The following SORCS2 variants were observed in gnomAD, a reference collection of about 807,000 sequenced individuals.
The protein encoded by SORCS2 is VPS10 domain-containing receptor SorCS2.
A neutral mutation model predicts 141.6 loss-of-function variants in SORCS2; 100 were observed. That is an observed-to-expected ratio of 0.71 (90% CI 0.60 to 0.83). SORCS2 has a LOEUF of 0.83. Ranked by LOEUF, SORCS2 falls within the 40% of genes least tolerant of loss-of-function variation. The pLI is 0.00. For synonymous variants in SORCS2, 789 were observed against 676.9 expected (o/e 1.17, Z -2.57); for missense variants, 1,646 against 1,560.2 (o/e 1.05, Z -0.93).
chr4:7,442,719 G>A (rs1727755588), intron 2 of SORCS2, among the ~76,000 whole-genome samples: 1 of 147,182 alleles, frequency 6.8e-6, no homozygotes, highest in Non-Finnish European at 1.5e-5. Flanking sequence ...AAAGCGGAGA[G>A]CAGCACCCCC....
At chr4:7,641,296 G>A (rs1720713349) in intron 4 of SORCS2, among the ~76,000 whole-genome samples, 1 of 152,172 alleles carries the variant, frequency 6.6e-6, no homozygotes, top group Non-Finnish European at 1.5e-5. Context: ...CAGTCATGGT[G>A]GAAGGTGAAG....
chr4:7,679,107 G>A (rs367555347), intron 9 of SORCS2, among the ~76,000 whole-genome samples: 1 of 145,096 alleles, frequency 6.9e-6, no homozygotes, highest in African/African-American at 2.6e-5. Flanking sequence ...CGTGGTTGTT[G>A]TGCACCCAGC....
intron 2 of SORCS2, among the ~76,000 whole-genome samples, chr4:7,467,395 G>A (rs183017812): frequency 6.6e-6 from 1 of 152,304 alleles, no homozygotes; most frequent in East Asian, 1.9e-4. Flanking sequence ...GCCTTCGGTT[G>A]GCCTCTGGGT....
At chr4:7,569,115 A>G (rs1715208927) in intron 3 of SORCS2, among the ~76,000 whole-genome samples, 1 of 152,160 alleles carries the variant, frequency 6.6e-6, no homozygotes, top group Admixed American at 6.5e-5. Context: ...GTTTTCCAGG[A>G]CTGTGCCATT....
At chr4:7,577,334 G>A (rs73089040) in intron 3 of SORCS2, among the ~76,000 whole-genome samples, 10 of 152,210 alleles carry the variant, frequency 6.6e-5, no homozygotes, top group Non-Finnish European at 1.3e-4. Flanking sequence ...GGGCAGACAG[G>A]TGAAGTCAGG....
intron 1 of SORCS2, among the ~76,000 whole-genome samples, chr4:7,208,444 T>G (rs1727871439): frequency 6.6e-6 from 1 of 152,164 alleles, no homozygotes; most frequent in Non-Finnish European, 1.5e-5. Flanking sequence ...TGCCCTTTCT[T>G]TCTCTGCAGA....
At chr4:7,380,476 CA>C (rs548032878) in intron 1 of SORCS2, among the ~76,000 whole-genome samples, 77 of 27,700 alleles carry the variant, frequency 2.8e-3, no homozygotes, top group African/African-American at 0.021. Flanking sequence ...ATTCTGAATT[CA>C]AATTCAAGAG....
At chr4:7,702,195 C>T (rs1377822071) in intron 12 of SORCS2, among the ~76,000 whole-genome samples, 1 of 152,154 alleles carries the variant, frequency 6.6e-6, no homozygotes, top group Non-Finnish European at 1.5e-5. Context: ...CCTGGGCTTT[C>T]CTGTGTCCTG....
At chr4:7,498,981 G>A (rs1325853254) in intron 2 of SORCS2, among the ~76,000 whole-genome samples, 2 of 152,204 alleles carry the variant, frequency 1.3e-5, no homozygotes, top group Admixed American at 1.3e-4. Context: ...GGAGCCGGCT[G>A]AGGCTGGGGA....
chr4:7,283,917 C>T (rs571649179), intron 1 of SORCS2, among the ~76,000 whole-genome samples: 1 of 152,212 alleles, frequency 6.6e-6, no homozygotes, highest in African/African-American at 2.4e-5. Flanking sequence ...GCGAGGGATC[C>T]TTTGTGTTTT....
At chr4:7,204,574 G>A (rs769498791) in intron 1 of SORCS2, among the ~76,000 whole-genome samples, 1 of 152,142 alleles carries the variant, frequency 6.6e-6, no homozygotes, top group Non-Finnish European at 1.5e-5. Flanking sequence ...TCACTCTTGT[G>A]GCTGCCTTGT....
At chr4:7,594,728 G>A (rs73216616) in intron 3 of SORCS2, among the ~76,000 whole-genome samples, 1,602 of 152,216 alleles carry the variant, frequency 0.011, 11 homozygotes, top group Middle Eastern at 0.024. Flanking sequence ...CTATGAGTGG[G>A]TGTCTTGGAG....
rs1711662442 is a variant in SORCS2 at position 7,531,648 on chromosome 4, TGGCCGC to T, written c.648+20_648+25del. 1 of 1,605,670 alleles carries T rather than the reference TGGCCGC, an allele frequency of 6.2e-7. No homozygotes were observed. The highest frequency in any genetic ancestry group is 1.7e-5 in the Admixed American group (1 of 59,782). On this transcript the variant is annotated intron_variant, in intron 3 of 26. Transcript: ENST00000507866. The stretch of plus-strand genomic sequence containing the variant: ...GAGGAAGGTAGGTGCTGGCTGGGGG[TGGCCGC>T]CACTCTGGCTCTCGCCTTGTGCCGC...
intron 2 of SORCS2, among the ~76,000 whole-genome samples, chr4:7,474,883 C>G (rs1033336496): frequency 2.0e-5 from 3 of 152,170 alleles, no homozygotes; most frequent in Non-Finnish European, 1.5e-5. Context: ...GGGGAGTTCC[C>G]TTCTGGCTGT....
intron 2 of SORCS2, among the ~76,000 whole-genome samples, chr4:7,453,839 T>C (rs1728668094): frequency 7.8e-6 from 1 of 127,510 alleles, no homozygotes; most frequent in African/African-American, 3.1e-5. Flanking sequence ...AGGCACTGTG[T>C]TGGGGTCAGG....
At chr4:7,711,448 C>T (rs1041859206) in intron 14 of SORCS2, among the ~76,000 whole-genome samples, 1 of 152,206 alleles carries the variant, frequency 6.6e-6, no homozygotes, top group African/African-American at 2.4e-5. Context: ...ACTGGAGCAG[C>T]GTGCATCACC....
intron 1 of SORCS2, among the ~76,000 whole-genome samples, chr4:7,263,720 GCTC>G (rs1714522627): frequency 6.6e-6 from 1 of 152,162 alleles, no homozygotes; most frequent in Admixed American, 6.5e-5. Flanking sequence ...TGCTTGGCAG[GCTC>G]CTCCTCCATG....
At chr4:7,395,285 G>A (rs544129503) in intron 1 of SORCS2, among the ~76,000 whole-genome samples, 7 of 152,320 alleles carry the variant, frequency 4.6e-5, no homozygotes, top group Admixed American at 6.5e-5. Context: ...CTGCTTCCAC[G>A]GAGGAGCCCG....
At chr4:7,221,619 C>T (rs1229696442) in intron 1 of SORCS2, among the ~76,000 whole-genome samples, 2 of 152,210 alleles carry the variant, frequency 1.3e-5, no homozygotes, top group Non-Finnish European at 2.9e-5. Flanking sequence ...ATGCTTTGGG[C>T]CCGTGAGGGC....
Sources: allele counts gnomAD v4.1 joint callset (sites outside exome capture counted in the v4.1 genomes callset), GRCh38; gene constraint gnomAD v4.1.1; transcripts MANE v1.5; gene names NCBI Gene and HGNC (gene_info 2026-07-23, HGNC 2026-07-21).